RAP1GDS1: variants seen among roughly 807,000 people sequenced by gnomAD.
RAP1GDS1 encodes the protein Rap1 GTPase-GDP dissociation stimulator 1.
In RAP1GDS1, 35 loss-of-function variants were observed where a neutral mutation model predicts 71.1. The ratio of observed to expected loss-of-function variants is 0.49; its 90% confidence interval spans 0.38 to 0.65. RAP1GDS1 has a LOEUF of 0.65. RAP1GDS1 is among the 30% of genes least tolerant of loss of function. The pLI is 0.00. For synonymous variants in RAP1GDS1, 229 were observed against 243.1 expected, an observed-to-expected ratio of 0.94 and a Z score of 0.54; for missense variants, 663 against 706.1, an observed-to-expected ratio of 0.94 and a Z score of 0.69.
At chr4:98,311,713 G>T (rs542910204) in intron 2 of RAP1GDS1, among the ~76,000 whole-genome samples, 8 of 152,114 alleles carry the variant, frequency 5.3e-5, no homozygotes, top group Non-Finnish European at 1.0e-4. Flanking sequence ...CCATGCTCAC[G>T]GCAGCGTTGA....
chr4:98,340,737 A>C (rs145447259), intron 2 of RAP1GDS1, among the ~76,000 whole-genome samples: 22 of 152,218 alleles, frequency 1.4e-4, no homozygotes, highest in African/African-American at 5.1e-4. Flanking sequence ...TGAAAGAGCA[A>C]GACTCCGTCT....
At chr4:98,350,090 A>G (rs1736939588) in intron 3 of RAP1GDS1, among the ~76,000 whole-genome samples, 1 of 152,140 alleles carries the variant, frequency 6.6e-6, no homozygotes, top group Non-Finnish European at 1.5e-5. Flanking sequence ...TTTTTCTGTA[A>G]TTATTTACCC....
intron 12 of RAP1GDS1, among the ~76,000 whole-genome samples, chr4:98,428,107 A>G (rs1228648303): frequency 6.6e-6 from 1 of 152,206 alleles, no homozygotes; most frequent in Non-Finnish European, 1.5e-5. Flanking sequence ...AAATGGGGAA[A>G]GGGCACCATA....
chr4:98,268,539 T>G (rs1237570432), intron 1 of RAP1GDS1, among the ~76,000 whole-genome samples: 2 of 152,030 alleles, frequency 1.3e-5, no homozygotes, highest in Non-Finnish European at 2.9e-5. Context: ...AAAGATAGCA[T>G]GGTCTTATAC....
chr4:98,327,213 C>G (rs968590118), intron 2 of RAP1GDS1, among the ~76,000 whole-genome samples: 5 of 152,096 alleles, frequency 3.3e-5, no homozygotes, highest in African/African-American at 1.2e-4. Flanking sequence ...GAGAGAGGCT[C>G]TCTTAACAGA....
At chr4:98,406,087 G>A (rs972312144) in intron 7 of RAP1GDS1, among the ~76,000 whole-genome samples, 4 of 151,910 alleles carry the variant, frequency 2.6e-5, no homozygotes, top group Non-Finnish European at 5.9e-5. Context: ...AGAACAAATG[G>A]AAGCGACTTA....
intron 5 of RAP1GDS1, among the ~76,000 whole-genome samples, chr4:98,380,441 TAAGA>T (rs1741835540): frequency 6.6e-6 from 1 of 151,768 alleles, no homozygotes; most frequent in African/African-American, 2.4e-5. Context: ...GCCTTTGAAT[TAAGA>T]TAATAGAGTT....
intron 2 of RAP1GDS1, among the ~76,000 whole-genome samples, chr4:98,327,511 G>A (rs925005541): frequency 8.5e-5 from 13 of 152,106 alleles, no homozygotes; most frequent in Non-Finnish European, 1.8e-4. Context: ...TTTTTGTCAG[G>A]CATTTATTCA....
intron 6 of RAP1GDS1, among the ~76,000 whole-genome samples, chr4:98,403,213 C>T (rs1745681163): frequency 6.6e-6 from 1 of 152,136 alleles, no homozygotes; most frequent in South Asian, 2.1e-4. Context: ...AGGAGGCCAG[C>T]TGTGCTACCA....
intron 12 of RAP1GDS1, among the ~76,000 whole-genome samples, chr4:98,428,385 A>C (rs1749919464): frequency 6.6e-6 from 1 of 152,224 alleles, no homozygotes; most frequent in East Asian, 1.9e-4. Flanking sequence ...TTTGCATGGC[A>C]AAAGGAACAG....
At chr4:98,429,704 G>T (rs1750127633) in intron 12 of RAP1GDS1, among the ~76,000 whole-genome samples, 1 of 152,160 alleles carries the variant, frequency 6.6e-6, no homozygotes, top group African/African-American at 2.4e-5. Context: ...CTACGAATTT[G>T]TGTTGGGCCA....
intron 6 of RAP1GDS1, chr4:98,396,660 T>C (rs1191081454): frequency 6.6e-6 from 1 of 152,204 alleles, no homozygotes; most frequent in Non-Finnish European, 1.5e-5. Flanking sequence ...GTTTATATAA[T>C]GAGTCAGTTA....
At chr4:98,296,280 G>A (rs942492256) in intron 2 of RAP1GDS1, among the ~76,000 whole-genome samples, 2 of 152,036 alleles carry the variant, frequency 1.3e-5, no homozygotes, top group Non-Finnish European at 2.9e-5. Context: ...ACAAAATAAT[G>A]CTTTTGAAAT....
intron 8 of RAP1GDS1, 110 bp downstream of exon 8, chr4:98,416,998 C>A: frequency 8.1e-7 from 1 of 1,240,096 alleles, no homozygotes; most frequent in Non-Finnish European, 1.1e-6. Context: ...CCTATCTCAC[C>A]TGCTATTGAG....
At chr4:98,371,000 G>C (rs1740290518) in intron 4 of RAP1GDS1, among the ~76,000 whole-genome samples, 1 of 152,086 alleles carries the variant, frequency 6.6e-6, no homozygotes. Flanking sequence ...AACTTAATAA[G>C]CATCTGTTCT....
intron 2 of RAP1GDS1, among the ~76,000 whole-genome samples, chr4:98,309,129 TGTTTCAA>T (rs1729829550): frequency 6.6e-6 from 1 of 152,074 alleles, no homozygotes; most frequent in Admixed American, 6.6e-5. Flanking sequence ...TGAATTTTGG[TGTTTCAA>T]GATTTAATAA....
At chr4:98,284,403 C>G (rs1725669524) in intron 1 of RAP1GDS1, among the ~76,000 whole-genome samples, 1 of 152,004 alleles carries the variant, frequency 6.6e-6, no homozygotes, top group South Asian at 2.1e-4. Flanking sequence ...ATTTCCAAAG[C>G]TAAAAATATA....
At chr4:98,280,880 T>G (rs1724978523) in intron 1 of RAP1GDS1, among the ~76,000 whole-genome samples, 1 of 152,224 alleles carries the variant, frequency 6.6e-6, no homozygotes, top group Non-Finnish European at 1.5e-5. Context: ...CTTTCCCCAT[T>G]TCTTGTTTTT....
At chr4:98,422,169 C>G (rs191908795) in intron 12 of RAP1GDS1, among the ~76,000 whole-genome samples, 86 of 152,192 alleles carry the variant, frequency 5.7e-4, no homozygotes, top group Admixed American at 1.5e-3. Context: ...CACTGCACTC[C>G]AGCCTGGGTG....
Sources: allele counts gnomAD v4.1 joint callset (sites outside exome capture counted in the v4.1 genomes callset), GRCh38; gene constraint gnomAD v4.1.1; transcripts MANE v1.5; gene names NCBI Gene and HGNC (gene_info 2026-07-23, HGNC 2026-07-21).